PAK3: variants seen among roughly 807,000 people sequenced by gnomAD.
The protein encoded by PAK3 is p21 (RAC1) activated kinase 3.
PAK3 carries 4 observed loss-of-function variants against 41.0 expected under a neutral mutation model. That is an observed-to-expected ratio of 0.10 (90% CI 0.05 to 0.22). The LOEUF is 0.22. Among genes scored for constraint, PAK3 ranks in the 10% least tolerant of loss-of-function variants. The pLI, the probability that PAK3 is intolerant of heterozygous loss-of-function variation, is 1.00. For missense variants in PAK3, 205 were observed against 409.9 expected, an observed-to-expected ratio of 0.50 and a Z score of 4.32; for synonymous variants, 146 against 139.6, an observed-to-expected ratio of 1.05 and a Z score of -0.32.
chrX:111,199,672 C>T (rs1352490183), intron 16 of PAK3, among the ~76,000 whole-genome samples: 1 of 111,437 alleles, frequency 9.0e-6, no homozygotes, highest in African/African-American at 3.3e-5. Context: ...ATAGTGCCAA[C>T]CTGGTGAAAT....
chrX:111,029,480 T>C (rs1465318807), intron 1 of PAK3, among the ~76,000 whole-genome samples: 1 of 112,226 alleles, frequency 8.9e-6, no homozygotes, highest in Non-Finnish European at 1.9e-5. Flanking sequence ...ATATGCATTA[T>C]ATACTGTATT....
intron 10 of PAK3, among the ~76,000 whole-genome samples, chrX:111,165,672 C>A (rs956588214): frequency 1.8e-5 from 2 of 112,550 alleles, no homozygotes; most frequent in African/African-American, 6.4e-5. Flanking sequence ...CATATGTAGA[C>A]ATGACCTATG....
At chrX:111,161,431 A>G (rs1303207496) in intron 8 of PAK3, among the ~76,000 whole-genome samples, 3 of 110,572 alleles carry the variant, frequency 2.7e-5, no homozygotes, top group African/African-American at 1.0e-4. Context: ...GTTCATTCTG[A>G]TGGTGGTTTC....
Position 111,147,946 on chromosome X carries a change from C to A in PAK3, c.430+56C>A. On this transcript the variant is annotated intron_variant, in intron 7 of 17. Transcript: ENST00000372007. ...AAAAGTAATTTCAATTTCAGAGTGTCATGTTGAGAACAAAATGTCTGTGGG... is the reference window on the plus strand; with the variant it reads ...AAAAGTAATTTCAATTTCAGAGTGTAATGTTGAGAACAAAATGTCTGTGGG... The A allele has an allele frequency of 4.0e-6, 4 of 1,001,282 alleles. No homozygotes were observed. The South Asian group carries it at 7.8e-5, about 19-fold the overall frequency. 82.5% of individuals were successfully genotyped at this position (1,001,282 alleles called of 1,213,427 possible). A position where few individuals can be genotyped will look rare whatever the true frequency, so the allele number is the denominator to read the frequency against.
At chrX:111,198,692 T>C (rs1369461593) in intron 16 of PAK3, among the ~76,000 whole-genome samples, 3 of 107,639 alleles carry the variant, frequency 2.8e-5, no homozygotes, top group Admixed American at 2.0e-4. Context: ...TATGTGTCTA[T>C]TTTTTTTTTA....
At chrX:111,217,697 G>C (rs1260697474) in intron 17 of PAK3, 2 of 646,583 alleles carry the variant, frequency 3.1e-6, no homozygotes, top group Admixed American at 8.8e-5. Flanking sequence ...GCCCTAAAAT[G>C]TCAAATCTGG....
intron 1 of PAK3, among the ~76,000 whole-genome samples, chrX:110,981,863 A>G (rs182209927): frequency 9.0e-6 from 1 of 111,484 alleles, no homozygotes; most frequent in Admixed American, 9.6e-5. Context: ...AAGTGGGAAA[A>G]AAGGGTAGAT....
intron 16 of PAK3, among the ~76,000 whole-genome samples, chrX:111,210,379 T>C (rs2094805973): frequency 9.0e-6 from 1 of 111,256 alleles, no homozygotes; most frequent in Admixed American, 9.6e-5. Flanking sequence ...TTTTTCCAGT[T>C]TTCCCTCCCT....
At chrX:111,009,613 A>G (rs894862192) in intron 1 of PAK3, among the ~76,000 whole-genome samples, 5 of 112,387 alleles carry the variant, frequency 4.4e-5, no homozygotes, top group Admixed American at 1.9e-4. Context: ...TATTATGAGT[A>G]AATTTGCTTC....
intron 1 of PAK3, among the ~76,000 whole-genome samples, chrX:111,024,596 A>C (rs1602863238): frequency 9.0e-6 from 1 of 111,424 alleles, no homozygotes; most frequent in Non-Finnish European, 1.9e-5. Context: ...TCCAACAGAA[A>C]AAATCACAAT....
intron 10 of PAK3, among the ~76,000 whole-genome samples, chrX:111,169,945 A>G (rs2094314507): frequency 9.0e-6 from 1 of 111,358 alleles, no homozygotes; most frequent in Admixed American, 9.6e-5. Flanking sequence ...GGTGTTAGGG[A>G]GCTATCAAGT....
Position 111,127,593 on chromosome X carries a change from G to A in PAK3, c.175+4315G>A, listed in dbSNP as rs753913277. Among the ~76,000 whole-genome samples the A allele has an allele frequency of 4.2e-4, 47 of 111,197 alleles. 1 individual carries two copies. The highest frequency in any genetic ancestry group is 6.7e-4 in the Admixed American group (7 of 10,436). On this transcript the variant is annotated intron_variant, in intron 5 of 17. Transcript: ENST00000372007. The stretch of plus-strand genomic sequence containing the variant: ...TACTTTACTGTAGAAAAGTTTTCAG[G>A]ATTTAGACCAGGAAAGAGACATCCT...
intron 3 of PAK3, among the ~76,000 whole-genome samples, chrX:111,101,235 A>G (rs148482914): frequency 0.021 from 2,395 of 112,030 alleles, 32 homozygotes; most frequent in Non-Finnish European, 0.037. Context: ...CTGTGCAGAT[A>G]TACATGACCC....
At chrX:110,985,265 C>T (rs1014908144) in intron 1 of PAK3, among the ~76,000 whole-genome samples, 13 of 110,835 alleles carry the variant, frequency 1.2e-4, no homozygotes, top group African/African-American at 2.3e-4. Flanking sequence ...CTCATGACTG[C>T]CCCAAACCCC....
intron 4 of PAK3, among the ~76,000 whole-genome samples, chrX:111,105,564 T>C (rs1025238322): frequency 8.9e-6 from 1 of 111,820 alleles, no homozygotes; most frequent in Non-Finnish European, 1.9e-5. Flanking sequence ...ACGTTTATAT[T>C]TTCTCACATC....
At chrX:111,043,800 TGG>T (rs1325216955) in intron 1 of PAK3, among the ~76,000 whole-genome samples, 1 of 111,637 alleles carries the variant, frequency 9.0e-6, no homozygotes, top group Non-Finnish European at 1.9e-5. Flanking sequence ...TAGTTTTCTG[TGG>T]GGAGCATTTC....
intron 1 of PAK3, among the ~76,000 whole-genome samples, chrX:110,993,017 T>C (rs1286677932): frequency 1.8e-5 from 2 of 111,574 alleles, no homozygotes; most frequent in African/African-American, 6.5e-5. Flanking sequence ...TTCTGGAGGT[T>C]TTCCACTTTC....
intron 10 of PAK3, among the ~76,000 whole-genome samples, chrX:111,164,700 A>T (rs1390409429): frequency 8.9e-6 from 1 of 112,128 alleles, no homozygotes; most frequent in East Asian, 2.8e-4. Flanking sequence ...AATGAAAAAA[A>T]TAAGTAAACA....
At position 110,953,638 on chromosome X, in the gene PAK3, C is replaced by T. The variant is rs766987042; in HGVS notation, c.-28+9010C>T. 3.6e-5 allele frequency among the ~76,000 whole-genome samples: 4 copies of T among 111,551 alleles called. No homozygotes were observed. The South Asian group carries it at 1.5e-3, about 42-fold the overall frequency. On this transcript the variant is annotated intron_variant, in intron 1 of 14. Coordinates refer to the PAK3 transcript ENST00000425146. ...GGCAAGATCTCCTGGTGTTTTCTGG[C>T]TTGAGGGAATGAAAGCATTTTCAAA...
Sources: allele counts gnomAD v4.1 joint callset (sites outside exome capture counted in the v4.1 genomes callset), GRCh38; gene constraint gnomAD v4.1.1; transcripts MANE v1.5; gene names NCBI Gene and HGNC (gene_info 2026-07-23, HGNC 2026-07-21).